The following SLC6A5 variants were observed in gnomAD, a reference collection of about 807,000 sequenced individuals.
The protein encoded by SLC6A5 is solute carrier family 6 member 5, also known as sodium- and chloride-dependent glycine transporter 2.
In SLC6A5, 58 loss-of-function variants were observed where a neutral mutation model predicts 90.5. That is an observed-to-expected ratio of 0.64 (90% CI 0.52 to 0.80). The LOEUF (loss-of-function observed/expected upper bound fraction) is 0.80, where lower values mean the gene tolerates loss of function less well. Among genes scored for constraint, SLC6A5 ranks in the 30% least tolerant of loss-of-function variants. The pLI is 0.00. For missense variants in SLC6A5, 1,015 were observed against 1,017.6 expected, an observed-to-expected ratio of 1.00 and a Z score of 0.03; for synonymous variants, 427 against 401.4, an observed-to-expected ratio of 1.06 and a Z score of -0.76.
chr11:20,644,098 G>A (rs1565288035), intron 13 of SLC6A5, among the ~76,000 whole-genome samples: 3 of 152,088 alleles, frequency 2.0e-5, no homozygotes, highest in South Asian at 4.1e-4. Flanking sequence ...TATTTACGAG[G>A]TTCAAAAGGG....
rs752901723 is a variant in SLC6A5, at chr11:20,636,345, A to C, written c.1663A>C (p.Thr555Pro). Reference sequence around the variant, plus strand: ...ATTTGTGGTTTACCCGGAAGCCTTAACCAGGCTGCCTCTCTCTCCGTTCTG... The same window carrying C: ...ATTTGTGGTTTACCCGGAAGCCTTACCCAGGCTGCCTCTCTCTCCGTTCTG... ...IAFVVYPEALTRLPLSPFWAI... is the reference protein window; with the variant it reads ...IAFVVYPEALPRLPLSPFWAI... The change falls in exon 11 of 16, where the codon ACC becomes CCC. Residue 555 changes from threonine (T) to proline (P), a missense_variant. Thr to Pro is a conservative substitution (Grantham distance 38). Coordinates refer to ENST00000525748, the MANE Select transcript of SLC6A5 (RefSeq NM_004211.5). The C allele has an allele frequency of 5.0e-6, 8 of 1,613,698 alleles. No individual in the cohort carries two copies. In the East Asian group the frequency reaches 1.8e-4, roughly 36 times the overall value.
At position 20,638,480 on chromosome 11, in the gene SLC6A5, C is replaced by T. The variant is rs1353565052; in HGVS notation, c.1891C>T (p.Leu631Phe). ...ITQGGIYMFQ[L>F]VDTYAASYAL... ...TTAGGGTGGAATTTACATGTTTCAG[C>T]TTGTGGACACCTATGCTGCCTCCTA... Residue 631 changes from leucine (L) to phenylalanine (F), a missense_variant, in exon 13 of 16, where the codon CTT becomes TTT. Physicochemically the swap from Leu to Phe is conservative, Grantham distance 22 (BLOSUM62 0). This residue lies in a region of SLC6A5 where 442 missense variants were observed against 494.3 expected (regional missense o/e 0.89). Transcript: ENST00000525748. 2 of 1,612,240 alleles carry T rather than the reference C, an allele frequency of 1.2e-6. No homozygotes were observed. The highest frequency in any genetic ancestry group is 1.7e-5 in the Admixed American group (1 of 59,992).
chr11:20,639,001 A>C (rs1409264981), intron 13 of SLC6A5, among the ~76,000 whole-genome samples: 1 of 152,200 alleles, frequency 6.6e-6, no homozygotes, highest in African/African-American at 2.4e-5. Flanking sequence ...CTCAGCTCAC[A>C]GATCCTTAGG....
chr11:20,627,337 A>G (rs1007573667), intron 8 of SLC6A5, among the ~76,000 whole-genome samples: 3 of 152,200 alleles, frequency 2.0e-5, no homozygotes, highest in Non-Finnish European at 4.4e-5. Flanking sequence ...CTAACTCTAA[A>G]ATTTCCAATT....
rs1853665407 is a variant in SLC6A5, at chr11:20,658,647, G to A, written c.*3779G>A. 1 of 152,138 alleles carries A rather than the reference G, an allele frequency of 6.6e-6. No homozygotes were observed. The highest frequency in any genetic ancestry group is 1.5e-5 in the Non-Finnish European group (1 of 68,020). The allele number at this position is 152,138 out of a possible 1,614,324, so 9.4% of individuals were successfully genotyped here. On this transcript the variant is annotated 3_prime_UTR_variant, in exon 16 of 16. Coordinates refer to ENST00000525748, the MANE Select transcript of SLC6A5 (RefSeq NM_004211.5). ...GAAAGGCCAAGTAGTTTTGAAATGT[G>A]GTCTTTGCTCAGGTCACCTCTGAGC... is the stretch of plus-strand genomic sequence containing the variant.
chr11:20,601,549 G>T lies in SLC6A5; in HGVS notation c.424G>T (p.Glu142Ter). 6.2e-7 allele frequency: 1 copy of T among 1,614,180 alleles called. No homozygotes were observed. Among genetic ancestry groups the T allele is most frequent in the Non-Finnish European group, 8.5e-7 (1 of 1,180,000 alleles). Residue 142 changes from glutamate (E) to a stop codon, truncating the protein, a stop_gained, in exon 2 of 16, where the codon GAG becomes TAG. Transcript: ENST00000525748. LOFTEE classifies it high-confidence loss of function. ...ANVSVGKGTL[E>*]RNNTPVVGWV... is the part of the protein sequence containing the mutation. ...CGTGAGTGTGGGCAAGGGCACCCTG[G>T]AGCGGAACAATACCCCTGTTGTGGG...
chr11:20,604,206 C>G, intron 2 of SLC6A5, 80 bp from the exon 3 acceptor site: 1 of 1,522,584 alleles, frequency 6.6e-7, no homozygotes, highest in Non-Finnish European at 8.9e-7. Flanking sequence ...GGAAGGACCC[C>G]TAGCGGGGGG....
At chr11:20,600,382 AAGAAGAAGAAGAAG>A (rs1852441577) in intron 1 of SLC6A5, among the ~76,000 whole-genome samples, 1 of 150,264 alleles carries the variant, frequency 6.7e-6, no homozygotes, top group African/African-American at 2.5e-5. Flanking sequence ...GAAGAAGAAG[AAGAAGAAGAAGAAG>A]AAGAAGAAGA....
chr11:20,611,037 G>A (rs915391848), intron 5 of SLC6A5, among the ~76,000 whole-genome samples: 6 of 152,308 alleles, frequency 3.9e-5, no homozygotes, highest in Admixed American at 1.3e-4. Flanking sequence ...GTAACACTAC[G>A]TACATTTGCA....
intron 12 of SLC6A5, among the ~76,000 whole-genome samples, chr11:20,637,945 TTTC>T (rs765182015): frequency 6.6e-6 from 1 of 152,292 alleles, no homozygotes; most frequent in African/African-American, 2.4e-5. Flanking sequence ...AGGGCTTTAA[TTTC>T]TTCTTCTGTA....
rs752254977 is a variant in SLC6A5 at position 20,601,134 on chromosome 11, C to A, written c.9C>A (p.Cys3Ter). The change falls in exon 2 of 16, where the codon TGC becomes TGA. Residue 3 changes from cysteine to a stop codon, truncating the protein, a stop_gained. Coordinates refer to ENST00000525748, the MANE Select transcript of SLC6A5 (RefSeq NM_004211.5). LOFTEE classifies it high-confidence loss of function. MD[C>*]SAPKEMNKLP... Reference sequence around the variant, plus strand: ...ACTTGACATTGTGTTTGCAGGATTGCAGTGCTCCCAAGGAAATGAATAAAC... The same window carrying A: ...ACTTGACATTGTGTTTGCAGGATTGAAGTGCTCCCAAGGAAATGAATAAAC... The A allele has an allele frequency of 2.5e-5, 39 of 1,589,912 alleles. No individual in the cohort carries two copies. The highest frequency in any genetic ancestry group is 3.0e-5 in the Non-Finnish European group (35 of 1,175,794).
intron 14 of SLC6A5, among the ~76,000 whole-genome samples, chr11:20,650,748 G>A (rs1327835834): frequency 1.4e-5 from 2 of 138,602 alleles, no homozygotes; most frequent in East Asian, 4.7e-4. Flanking sequence ...CTCACTGCAA[G>A]CTCCGCCTCC....
chr11:20,649,017 T>G (rs1383732813), intron 14 of SLC6A5, among the ~76,000 whole-genome samples: 1 of 152,198 alleles, frequency 6.6e-6, no homozygotes, highest in African/African-American at 2.4e-5. Flanking sequence ...CTGTCTAAGC[T>G]TCAAGCCAAT....
intron 7 of SLC6A5, among the ~76,000 whole-genome samples, chr11:20,626,116 A>G (rs1852988708): frequency 6.6e-6 from 1 of 152,198 alleles, no homozygotes; most frequent in Non-Finnish European, 1.5e-5. Flanking sequence ...GATTATCTGT[A>G]AGAAAGGTGC....
At position 20,652,271 on chromosome 11, in the gene SLC6A5, T is replaced by C. The variant is rs1440295381; in HGVS notation, c.2071-18T>C. On this transcript the variant is annotated intron_variant, in intron 14 of 15. Transcript: ENST00000525748. ...TCACGCCACCACCCTAACACGTGTG[T>C]CACTTTTCTCTTTCCAGTTTATCCT... 6 of 1,613,782 alleles carry C rather than the reference T, an allele frequency of 3.7e-6. No homozygotes were observed. In the South Asian group the frequency reaches 5.5e-5, roughly 15 times the overall value.
In SLC6A5 at chr11:20,607,641, A is replaced by G. The variant is rs1852611066; in HGVS notation, c.974A>G (p.Lys325Arg). ...WNTPECKDKT[K>R]LLLDSCVISD... is the part of the protein sequence containing the mutation. ...ACGCCAGAATGCAAAGATAAAACCA[A>G]ACTTTTATTAGGTAAGTTTGGAAAT... Residue 325 changes from lysine to arginine, a missense_variant, in exon 5 of 16, where the codon AAA becomes AGA. By Grantham distance (26) the Lys-to-Arg change is conservative (BLOSUM62 2). Around this residue, in one of 3 missense-constraint regions of SLC6A5, gnomAD observed 567 missense variants for 507.3 expected, o/e 1.12. Transcript: ENST00000525748. The G allele has an allele frequency of 6.2e-7, 1 of 1,613,874 alleles. No individual in the cohort carries two copies. Among genetic ancestry groups the G allele is most frequent in the Non-Finnish European group, 8.5e-7 (1 of 1,179,816 alleles).
At chr11:20,602,164 G>T (rs116921109) in intron 2 of SLC6A5, among the ~76,000 whole-genome samples, 1 of 152,182 alleles carries the variant, frequency 6.6e-6, no homozygotes, top group Non-Finnish European at 1.5e-5. Context: ...GAACTCATTT[G>T]ATGCGAGGTG....
intron 9 of SLC6A5, among the ~76,000 whole-genome samples, chr11:20,629,551 A>G (rs550116659): frequency 2.0e-5 from 3 of 152,330 alleles, no homozygotes; most frequent in African/African-American, 7.2e-5. Flanking sequence ...GGAGTACAGT[A>G]TGATATTTCG....
At chr11:20,599,884 A>G (rs1590150096) in intron 1 of SLC6A5, among the ~76,000 whole-genome samples, 1 of 152,036 alleles carries the variant, frequency 6.6e-6, no homozygotes, top group East Asian at 1.9e-4. Flanking sequence ...TAGAGCTGAG[A>G]GGTTGGCTGT....
Sources: gnomAD v4.1 joint callset for allele counts (sites outside exome capture counted in the v4.1 genomes callset) on GRCh38, gnomAD v4.1.1 for gene constraint, gnomAD v4.1.1 regional missense constraint, MANE v1.5 for transcripts, NCBI Gene and HGNC (gene_info 2026-07-23, HGNC 2026-07-21) for gene names.